The following ADAMTS19 variants were observed in gnomAD, a reference collection of about 807,000 sequenced individuals.
ADAMTS19 encodes the protein ADAM metallopeptidase with thrombospondin type 1 motif 19, also known as A disintegrin and metalloproteinase with thrombospondin motifs 19.
In ADAMTS19, 93 loss-of-function variants were observed where a neutral mutation model predicts 153.3. That is an observed-to-expected ratio of 0.61 (90% CI 0.51 to 0.72). The LOEUF (loss-of-function observed/expected upper bound fraction) is 0.72, where lower values mean the gene tolerates loss of function less well. Ranked by LOEUF, ADAMTS19 falls within the 30% of genes least tolerant of loss-of-function variation. ADAMTS19 has a pLI of 0.00. For missense variants in ADAMTS19, 1,482 were observed against 1,552.1 expected (o/e 0.95, Z 0.76); for synonymous variants, 600 against 556.6 (o/e 1.08, Z -1.10).
At chr5:129,491,277 C>T (rs552835617) in intron 2 of ADAMTS19, among the ~76,000 whole-genome samples, 30 of 152,306 alleles carry the variant, frequency 2.0e-4, no homozygotes, top group Middle Eastern at 3.4e-3. Flanking sequence ...GCTGAGATTA[C>T]AGGCGTGAGC....
intron 2 of ADAMTS19, among the ~76,000 whole-genome samples, chr5:129,494,927 G>A (rs545565852): frequency 1.9e-4 from 29 of 152,184 alleles, no homozygotes; most frequent in African/African-American, 6.7e-4. Context: ...CATATGTAGT[G>A]AGAGTAAAAA....
At chr5:129,534,330 T>C (rs1049195883) in intron 6 of ADAMTS19, among the ~76,000 whole-genome samples, 2 of 152,056 alleles carry the variant, frequency 1.3e-5, no homozygotes, top group Non-Finnish European at 2.9e-5. Flanking sequence ...CTAGAAGAAA[T>C]GGATAAATTC....
intron 8 of ADAMTS19, among the ~76,000 whole-genome samples, chr5:129,606,506 C>T (rs959629423): frequency 2.6e-5 from 4 of 152,216 alleles, no homozygotes; most frequent in African/African-American, 9.6e-5. Context: ...GCAGTATCCA[C>T]TTAACTGGTG....
At position 129,738,434 on chromosome 5, in the gene ADAMTS19, T is replaced by TA. The variant is rs1009590311; in HGVS notation, c.*1217dup. ...TGGAGTATCTTCTAGAGGATGTTTA[T>TA]AGAGTGAACTGCCTTGGAAGATAGT... On this transcript the variant is annotated 3_prime_UTR_variant, in exon 23 of 23. Coordinates refer to ENST00000274487, the MANE Select transcript of ADAMTS19 (RefSeq NM_133638.6). 2 of 152,060 alleles carry TA rather than the reference T, an allele frequency of 1.3e-5. No individual in the cohort carries two copies. Among genetic ancestry groups the TA allele is most frequent in the Non-Finnish European group, 2.9e-5 (2 of 67,980 alleles). The allele number at this position is 152,060 out of a possible 1,614,324, so 9.4% of individuals were successfully genotyped here.
chr5:129,715,021 C>A (rs1349255702), intron 21 of ADAMTS19, among the ~76,000 whole-genome samples: 1 of 152,000 alleles, frequency 6.6e-6, no homozygotes, highest in African/African-American at 2.4e-5. Flanking sequence ...TCTCCAAGAC[C>A]TACTATTAAG....
intron 6 of ADAMTS19, 129 bp from the exon 7 acceptor site, chr5:129,551,735 G>A (rs1446890702): frequency 8.6e-6 from 5 of 579,926 alleles, no homozygotes; most frequent in Non-Finnish European, 1.2e-5. Flanking sequence ...CTTATTCACA[G>A]TTTTATTAGA....
intron 7 of ADAMTS19, among the ~76,000 whole-genome samples, chr5:129,556,711 AAGAC>A (rs985633605): frequency 2.0e-5 from 3 of 152,154 alleles, no homozygotes; most frequent in African/African-American, 4.8e-5. Context: ...TTACTAAAGA[AAGAC>A]AGAGATACAA....
chr5:129,461,357 A>G lies in ADAMTS19; in HGVS notation c.347A>G (p.Glu116Gly). The part of the protein sequence containing the change: ...ESRLRPPPPS[E>G]GEEDEELESQ... ...CGGCTCCGGCCCCCGCCGCCGTCGGAGGGTGAGGAGGACGAGGAGCTCGAG... is the reference window on the plus strand; with the variant it reads ...CGGCTCCGGCCCCCGCCGCCGTCGGGGGGTGAGGAGGACGAGGAGCTCGAG... Residue 116 changes from glutamate (E) to glycine (G), a missense_variant, in exon 2 of 23, where the codon GAG becomes GGG. Physicochemically the swap from Glu to Gly is moderately conservative, Grantham distance 98 (BLOSUM62 -2). This residue lies in a region of ADAMTS19 where 866 missense variants were observed against 827.7 expected (regional missense o/e 1.05). Transcript: ENST00000274487. The surrounding 1 kb of genome is among the most constrained non-coding windows in gnomAD (Gnocchi z 4.6). 4.5e-6 allele frequency: 6 copies of G among 1,336,842 alleles called. No homozygotes were observed. The highest frequency in any genetic ancestry group is 5.7e-6 in the Non-Finnish European group (6 of 1,053,670). 82.8% of individuals were successfully genotyped at this position (1,336,842 alleles called of 1,614,324 possible). A position where few individuals can be genotyped will look rare whatever the true frequency, so the allele number is the denominator to read the frequency against.
intron 16 of ADAMTS19, among the ~76,000 whole-genome samples, chr5:129,672,127 C>T (rs1053059128): frequency 1.3e-4 from 19 of 151,986 alleles, no homozygotes; most frequent in Admixed American, 1.1e-3. Context: ...TGCATACTGC[C>T]GACTTCTAGC....
chr5:129,641,957 TA>T lies in ADAMTS19; in HGVS notation c.1871del (p.Lys624SerfsTer46). ...PMDGTDCDLGKWCKAGECTSR... is the reference protein window; with the variant it reads ...PMDGTDCDLGXWCKAGECTSR... ...TGGATGGAACTGACTGTGACCTTGG[TA>T]AGGTAAGTCATTTGTGTTGTCTGAA... On this transcript the variant is annotated frameshift_variant and splice_region_variant, in exon 11 of 23. Coordinates refer to ENST00000274487, the MANE Select transcript of ADAMTS19 (RefSeq NM_133638.6). LOFTEE classifies it high-confidence loss of function. 1 of 1,585,708 alleles carries T rather than the reference TA, an allele frequency of 6.3e-7. No individual in the cohort carries two copies. Among genetic ancestry groups the T allele is most frequent in the Non-Finnish European group, 8.6e-7 (1 of 1,162,466 alleles).
chr5:129,525,509 A>G (rs1204361757), intron 3 of ADAMTS19, among the ~76,000 whole-genome samples: 2 of 152,042 alleles, frequency 1.3e-5, no homozygotes, highest in African/African-American at 4.8e-5. Context: ...TTGATTTAGA[A>G]TAGCTCTTTA....
At chr5:129,598,271 T>C (rs912483892) in intron 8 of ADAMTS19, among the ~76,000 whole-genome samples, 4 of 152,168 alleles carry the variant, frequency 2.6e-5, no homozygotes, top group Non-Finnish European at 1.5e-5. Flanking sequence ...CCCATCTTTC[T>C]CAGTTCATCA....
chr5:129,590,528 A>G (rs1429295820), intron 7 of ADAMTS19, among the ~76,000 whole-genome samples: 2 of 152,220 alleles, frequency 1.3e-5, no homozygotes, highest in African/African-American at 2.4e-5. Flanking sequence ...TAGTATTCAT[A>G]AAAACTGCAC....
chr5:129,685,511 ATATAT>A (rs1165686870), intron 18 of ADAMTS19, among the ~76,000 whole-genome samples: 1 of 152,164 alleles, frequency 6.6e-6, no homozygotes, highest in Non-Finnish European at 1.5e-5. Flanking sequence ...TTATACTTAA[ATATAT>A]TATAGTCATT....
intron 14 of ADAMTS19, among the ~76,000 whole-genome samples, chr5:129,656,743 T>C (rs25816): frequency 0.26 from 38,902 of 152,140 alleles, 5,236 homozygotes; most frequent in African/African-American, 0.33. Flanking sequence ...TATTGAACTG[T>C]AGTATATATG....
intron 15 of ADAMTS19, among the ~76,000 whole-genome samples, chr5:129,661,614 A>G (rs1753816232): frequency 6.6e-6 from 1 of 152,156 alleles, no homozygotes; most frequent in Non-Finnish European, 1.5e-5. Context: ...TTCTTGTTGG[A>G]GCTGGAAAAT....
intron 19 of ADAMTS19, among the ~76,000 whole-genome samples, chr5:129,700,781 GAC>G (rs996027415): frequency 1.3e-5 from 2 of 150,830 alleles, no homozygotes; most frequent in African/African-American, 5.0e-5. Context: ...TTTATAATAT[GAC>G]ATGGAAAAAG....
chr5:129,545,494 T>C (rs539016099), intron 6 of ADAMTS19, among the ~76,000 whole-genome samples: 1 of 152,300 alleles, frequency 6.6e-6, no homozygotes, highest in Non-Finnish European at 1.5e-5. Context: ...AGGGATTAAC[T>C]AAATAGATAA....
At chr5:129,705,659 C>G (rs1561660441) in intron 21 of ADAMTS19, among the ~76,000 whole-genome samples, 1 of 152,290 alleles carries the variant, frequency 6.6e-6, no homozygotes, top group Admixed American at 6.5e-5. Context: ...CATAAGGAAA[C>G]TTCACACTTC....
Sources: gnomAD v4.1 joint callset for allele counts (sites outside exome capture counted in the v4.1 genomes callset) on GRCh38, gnomAD v4.1.1 for gene constraint, gnomAD v4.1.1 regional missense constraint, Gnocchi (gnomAD v3.1) non-coding constraint, MANE v1.5 for transcripts, NCBI Gene and HGNC (gene_info 2026-07-23, HGNC 2026-07-21) for gene names.